CDK4: variants seen among roughly 807,000 people sequenced by gnomAD.
CDK4 encodes the protein cyclin dependent kinase 4, also known as cyclin-dependent kinase 4.
CDK4 carries 13 observed loss-of-function variants against 36.7 expected under a neutral mutation model. That is an observed-to-expected ratio of 0.35 (90% CI 0.23 to 0.56). The LOEUF (loss-of-function observed/expected upper bound fraction) is 0.56, where lower values mean the gene tolerates loss of function less well. Among genes scored for constraint, CDK4 ranks in the 20% least tolerant of loss-of-function variants. CDK4 has a pLI of 0.85. For missense variants in CDK4, 285 were observed against 387.3 expected, an observed-to-expected ratio of 0.74 and a Z score of 2.22; for synonymous variants, 158 against 146.4, an observed-to-expected ratio of 1.08 and a Z score of -0.57.
chr12:57,748,418 T>A lies in CDK4; in HGVS notation c.*107A>T. On this transcript the variant is annotated 3_prime_UTR_variant, in exon 8 of 8. Coordinates refer to ENST00000257904, the MANE Select transcript of CDK4 (RefSeq NM_000075.4). ...CAGCAAAGTAATCTCTGTAGAAAGATGGAGGAGGACCCTCCATAGCCTCAG... is the reference window on the plus strand; with the variant it reads ...CAGCAAAGTAATCTCTGTAGAAAGAAGGAGGAGGACCCTCCATAGCCTCAG... The A allele has an allele frequency of 1.2e-6, 1 of 830,240 alleles. No individual in the cohort carries two copies. Among genetic ancestry groups the A allele is most frequent in the South Asian group, 1.3e-5 (1 of 74,882 alleles). 51.4% of individuals were successfully genotyped at this position (830,240 alleles called of 1,614,324 possible). A position where few individuals can be genotyped will look rare whatever the true frequency, so the allele number is the denominator to read the frequency against.
At position 57,748,321 on chromosome 12, in the gene CDK4, C is replaced by A; in HGVS notation, c.*204G>T. ...GGAAAGGGACAAGAGGGAACATACC[C>A]CTTAGTGTAGAGAAATGGGAAGGAG... On this transcript the variant is annotated 3_prime_UTR_variant, in exon 8 of 8. Transcript: ENST00000257904. 1.6e-6 allele frequency: 1 copy of A among 620,062 alleles called. No individual in the cohort carries two copies. The allele number at this position is 620,062 out of a possible 1,614,324, so 38.4% of individuals were successfully genotyped here.
chr12:57,751,230 C>T lies in CDK4; in HGVS notation c.331G>A (p.Gly111Ser), dbSNP rs1277385976. The change falls in exon 3 of 8, where the codon GGC becomes AGC. Residue 111 changes from glycine to serine, a missense_variant. Physicochemically the swap from Gly to Ser is moderately conservative, Grantham distance 56 (BLOSUM62 0). Coordinates refer to ENST00000257904, the MANE Select transcript of CDK4 (RefSeq NM_000075.4). This position sits in a 1 kb window ranked among gnomAD's most constrained non-coding sequence, Gnocchi z 4.5. ...RTYLDKAPPP[G>S]LPAETIKDLM... ...ACCTTGATCGTTTCGGCTGGCAAGC[C>T]TGGTGGGGGTGCCTTGTCCAGATAT... The T allele has an allele frequency of 1.9e-6, 3 of 1,614,220 alleles. No homozygotes were observed. The highest frequency in any genetic ancestry group is 2.5e-6 in the Non-Finnish European group (3 of 1,180,034).
chr12:57,748,739 T>C, intron 7 of CDK4, 122 bp from the exon 8 acceptor site: 3 of 714,572 alleles, frequency 4.2e-6, no homozygotes, highest in Non-Finnish European at 7.4e-6. Context: ...GGAGTCTCGC[T>C]CTATCACCCA....
In CDK4 at chr12:57,749,195, G is replaced by A. The variant is rs779161525; in HGVS notation, c.806C>T (p.Ala269Val). The A allele has an allele frequency of 1.9e-6, 3 of 1,614,016 alleles. No homozygotes were observed. The highest frequency in any genetic ancestry group is 4.5e-5 in the East Asian group (2 of 44,892). ...CATCTCCAGTACCAGCAGCAGCTGT[G>A]CTCCCGACTCCTCCATCTCAGGTAC... ...SVVPEMEESG[A>V]QLLLEMLTFN... Residue 269 changes from alanine to valine, a missense_variant, in exon 7 of 8, where the codon GCA becomes GTA. By Grantham distance (64) the Ala-to-Val change is moderately conservative. Coordinates refer to ENST00000257904, the MANE Select transcript of CDK4 (RefSeq NM_000075.4).
intron 5 of CDK4, 22 bp from the exon 6 acceptor site, chr12:57,749,526 G>C (rs1955207107): frequency 6.2e-7 from 1 of 1,612,206 alleles, no homozygotes; most frequent in Non-Finnish European, 8.5e-7. Context: ...AGGGATATAA[G>C]GTAGCAGTCA....
chr12:57,750,544 G>A (rs1405809645), intron 5 of CDK4, 112 bp downstream of exon 5: 3 of 801,090 alleles, frequency 3.7e-6, no homozygotes, highest in Non-Finnish European at 6.7e-6. Flanking sequence ...TCCAGCCTGG[G>A]CAACACAGCA....
chr12:57,751,906 T>G lies in CDK4; in HGVS notation c.-19-170A>C. 1.6e-6 allele frequency: 1 copy of G among 622,776 alleles called. No homozygotes were observed. The highest frequency in any genetic ancestry group is 2.8e-6 in the Non-Finnish European group (1 of 351,668). The allele number at this position is 622,776 out of a possible 1,614,324, so 38.6% of individuals were successfully genotyped here. On this transcript the variant is annotated intron_variant, in intron 1 of 7. Coordinates refer to ENST00000257904, the MANE Select transcript of CDK4 (RefSeq NM_000075.4). This position sits in a 1 kb window ranked among gnomAD's most constrained non-coding sequence, Gnocchi z 4.5. ...CCCCAGAGATAACACAATGACTCAA[T>G]ACCAACCCCTCCAGCCACGTGAGGC...
At chr12:57,748,638 C>G in intron 7 of CDK4, 21 bp from the exon 8 acceptor site, 1 of 1,554,530 alleles carries the variant, frequency 6.4e-7, no homozygotes. Flanking sequence ...AGGCAAAGGT[C>G]AGAAAACCAT....
At position 57,751,291 on chromosome 12, in the gene CDK4, G is replaced by T. The variant is rs2140387429; in HGVS notation, c.270C>A (p.Thr90=). 6.2e-7 allele frequency: 1 copy of T among 1,614,116 alleles called. No individual in the cohort carries two copies. The highest frequency in any genetic ancestry group is 8.5e-7 in the Non-Finnish European group (1 of 1,180,022). The part of the protein sequence containing the change: ...TSRTDREIKV[T]LVFEHVDQDL... The stretch of plus-strand genomic sequence containing the variant: ...CCTGGTCTACATGCTCAAACACCAG[G>T]GTTACCTTGATCTCCCGGTCAGTTC... The change falls in exon 3 of 8, where the codon ACC becomes ACA. Residue 90 remains threonine, a synonymous_variant. Coordinates refer to ENST00000257904, the MANE Select transcript of CDK4 (RefSeq NM_000075.4). The surrounding 1 kb of genome is among the most constrained non-coding windows in gnomAD (Gnocchi z 4.5).
At chr12:57,748,736 C>T (rs1237549292) in intron 7 of CDK4, 119 bp from the exon 8 acceptor site, 8 of 716,066 alleles carry the variant, frequency 1.1e-5, no homozygotes, top group East Asian at 2.7e-5. Context: ...GACGGAGTCT[C>T]GCTCTATCAC....
Position 57,751,247 on chromosome 12 carries a change from T to A in CDK4, c.314A>T (p.Asp105Val). ...HVDQDLRTYL[D>V]KAPPPGLPAE... ...TGGCAAGCCTGGTGGGGGTGCCTTGTCCAGATATGTCCTTAGGTCCTGGTC... is the reference window on the plus strand; with the variant it reads ...TGGCAAGCCTGGTGGGGGTGCCTTGACCAGATATGTCCTTAGGTCCTGGTC... Residue 105 changes from aspartate (D) to valine (V), a missense_variant, in exon 3 of 8, where the codon GAC becomes GTC. Physicochemically the swap from Asp to Val is radical, Grantham distance 152 (BLOSUM62 -3). Transcript: ENST00000257904. This position sits in a 1 kb window ranked among gnomAD's most constrained non-coding sequence, Gnocchi z 4.5. 1 of 1,614,192 alleles carries A rather than the reference T, an allele frequency of 6.2e-7. No homozygotes were observed. The highest frequency in any genetic ancestry group is 8.5e-7 in the Non-Finnish European group (1 of 1,180,032).
Position 57,748,219 on chromosome 12 carries a change from AT to A in CDK4, c.*305del. On this transcript the variant is annotated 3_prime_UTR_variant, in exon 8 of 8. Transcript: ENST00000257904. ...GGCAAAGCCAAACAGAGGAAGAAAC[AT>A]TAAAAAAAAAAAAAAGACCATTATT... 1 of 387,068 alleles carries A rather than the reference AT, an allele frequency of 2.6e-6. No homozygotes were observed. The highest frequency in any genetic ancestry group is 4.8e-6 in the Non-Finnish European group (1 of 210,068). The allele number at this position is 387,068 out of a possible 1,614,324, so 24.0% of individuals were successfully genotyped here. A position where few individuals can be genotyped will look rare whatever the true frequency, so the allele number is the denominator to read the frequency against.
chr12:57,752,223 G>A lies in CDK4; in HGVS notation c.-68C>T, dbSNP rs1001309614. The A allele has an allele frequency of 8.0e-6, 2 of 249,718 alleles. No homozygotes were observed. Among genetic ancestry groups the A allele is most frequent in the Non-Finnish European group, 1.6e-5 (2 of 126,810 alleles). 15.5% of individuals were successfully genotyped at this position (249,718 alleles called of 1,614,324 possible). ...GGGGGCGGCCCGTTATCGGGGCCCC[G>A]GAGCCGGTTCCTACGGCCCCATACA... On this transcript the variant is annotated 5_prime_UTR_variant, in exon 1 of 8. Coordinates refer to ENST00000257904, the MANE Select transcript of CDK4 (RefSeq NM_000075.4).
chr12:57,750,617 G>T (rs2140385472), intron 5 of CDK4, 39 bp downstream of exon 5: 1 of 1,351,478 alleles, frequency 7.4e-7, no homozygotes, highest in Non-Finnish European at 1.1e-6. Context: ...CAAGCGATTT[G>T]GGGAATTCAA....
At position 57,748,155 on chromosome 12, in the gene CDK4, A is replaced by C. The variant is rs3473; in HGVS notation, c.*370T>G. On this transcript the variant is annotated 3_prime_UTR_variant, in exon 8 of 8. Coordinates refer to ENST00000257904, the MANE Select transcript of CDK4 (RefSeq NM_000075.4). ...AACCAGTCTTTAAGGTTTTGCAGGA[A>C]AGTCCCTTCTTCCAAGTGGTTTTTC... The C allele has an allele frequency of 0.017, 5,899 of 350,076 alleles. 326 individuals are homozygous for C. The highest frequency in any genetic ancestry group is 0.11 in the African/African-American group (5,480 of 48,226). The allele number at this position is 350,076 out of a possible 1,614,324, so 21.7% of individuals were successfully genotyped here.
chr12:57,749,265 G>C lies in CDK4; in HGVS notation c.736C>G (p.Arg246Gly), dbSNP rs370258992. 2 of 1,614,154 alleles carry C rather than the reference G, an allele frequency of 1.2e-6. No homozygotes were observed. The highest frequency in any genetic ancestry group is 2.2e-5 in the East Asian group (1 of 44,882). The change falls in exon 7 of 8, where the codon CGT (arginine) becomes GGT (glycine). Residue 246 changes from arginine to glycine, a missense_variant. Transcript: ENST00000257904. ...GGCCCTCTGGGGGGAAAGGCTCCAC[G>C]GGGCAGGGATACATCTCGAGGCCAG... Reference protein sequence around the residue: ...DDWPRDVSLPRGAFPPRGPRP... With the variant: ...DDWPRDVSLPGGAFPPRGPRP...
rs1307304019 is a variant in CDK4, at chr12:57,748,555, A to G, written c.882T>C (p.Tyr294=). ...ISAFRALQHS[Y]LHKDEGNPE The stretch of plus-strand genomic sequence containing the variant: ...CCGGATTACCTTCATCCTTATGTAG[A>G]TAAGAGTGCTGCAGAGCTCGAAAGG... Residue 294 remains tyrosine (Y), a synonymous_variant, in exon 8 of 8, where the codon TAT becomes TAC. Transcript: ENST00000257904. The G allele has an allele frequency of 3.1e-6, 5 of 1,613,664 alleles. No homozygotes were observed. Among genetic ancestry groups the G allele is most frequent in the African/African-American group, 1.3e-5 (1 of 74,938 alleles).
At chr12:57,750,842 G>T (rs1955228006) in intron 4 of CDK4, 77 bp from the exon 5 acceptor site, 1 of 1,592,884 alleles carries the variant, frequency 6.3e-7, no homozygotes, top group South Asian at 1.1e-5. Flanking sequence ...AACACATGAA[G>T]CACATGACTT....
intron 5 of CDK4, 64 bp downstream of exon 5, chr12:57,750,592 G>T: frequency 9.0e-7 from 1 of 1,116,244 alleles, no homozygotes. Context: ...GCAAGGTATG[G>T]ATGTGGTTTA....
Sources: gnomAD v4.1 joint callset for allele counts on GRCh38, gnomAD v4.1.1 for gene constraint, Gnocchi (gnomAD v3.1) non-coding constraint, MANE v1.5 for transcripts, NCBI Gene and HGNC (gene_info 2026-07-23, HGNC 2026-07-21) for gene names.